Variants in IQANK1 observed in about 807,000 individuals in gnomAD.
IQANK1 encodes the protein IQ motif and ankyrin repeat containing 1.
Under a neutral mutation model 22.6 loss-of-function variants are expected in IQANK1, and 30 were observed. The ratio of observed to expected loss-of-function variants is 1.33; its 90% CI spans 0.99 to 1.80. IQANK1 has a LOEUF of 1.80. IQANK1 is among the 40% of genes most tolerant of loss of function. IQANK1 has a pLI of 0.00. For missense variants in IQANK1, 275 were observed against 235.2 expected (o/e 1.17, Z -1.11); for synonymous variants, 122 against 99.6 (o/e 1.23, Z -1.34).
At chr8:143,776,076 C>T (rs988319811) in intron 7 of IQANK1, among the ~76,000 whole-genome samples, 10 of 151,896 alleles carry the variant, frequency 6.6e-5, no homozygotes, top group African/African-American at 1.9e-4. Context: ...AATCCCAGCA[C>T]TTTGGGAGGC....
chr8:143,748,762 T>TATAAATATATATCATATAA (rs2129819988), intron 3 of IQANK1, among the ~76,000 whole-genome samples: 2 of 104,670 alleles, frequency 1.9e-5, no homozygotes, highest in South Asian at 6.0e-4. Flanking sequence ...CATATAAATA[T>TATAAATATATATCATATAA]ATATAATATA....
At chr8:143,779,747 G>A (rs1819759254) in intron 7 of IQANK1, among the ~76,000 whole-genome samples, 1 of 152,178 alleles carries the variant, frequency 6.6e-6, no homozygotes. Flanking sequence ...TCAGAAATGG[G>A]ACTAATAACA....
intron 7 of IQANK1, among the ~76,000 whole-genome samples, chr8:143,775,112 TAC>T (rs201929554): frequency 3.3e-5 from 5 of 151,744 alleles, no homozygotes; most frequent in African/African-American, 4.8e-5. Context: ...ATTGTAATGA[TAC>T]ACACACACAC....
intron 3 of IQANK1, among the ~76,000 whole-genome samples, chr8:143,751,698 C>T (rs973947606): frequency 2.4e-5 from 2 of 82,456 alleles, no homozygotes; most frequent in Non-Finnish European, 6.2e-5. Flanking sequence ...ACAAAACAGA[C>T]ATAGACTTAG....
intron 7 of IQANK1, among the ~76,000 whole-genome samples, chr8:143,773,324 AAC>A (rs368579818): frequency 7.9e-5 from 11 of 138,962 alleles, no homozygotes; most frequent in African/African-American, 3.1e-4. Flanking sequence ...AAACAAAAAA[AAC>A]ACAAAAAAAA....
At chr8:143,747,668 A>G (rs971387336) in intron 3 of IQANK1, among the ~76,000 whole-genome samples, 1 of 151,890 alleles carries the variant, frequency 6.6e-6, no homozygotes, top group Non-Finnish European at 1.5e-5. Context: ...ATATTGTTTA[A>G]TTCCACCATT....
chr8:143,767,565 C>A (rs1303218257), intron 3 of IQANK1, among the ~76,000 whole-genome samples: 1 of 152,100 alleles, frequency 6.6e-6, no homozygotes, highest in African/African-American at 2.4e-5. Flanking sequence ...GGAACAGAAC[C>A]AGGAAATCAA....
intron 3 of IQANK1, among the ~76,000 whole-genome samples, chr8:143,741,576 T>C (rs1478589793): frequency 6.6e-6 from 1 of 152,180 alleles, no homozygotes; most frequent in Non-Finnish European, 1.5e-5. Flanking sequence ...CAGAACAGAC[T>C]GTGTCCCTTG....
intron 7 of IQANK1, among the ~76,000 whole-genome samples, chr8:143,777,520 T>TAA (rs58155811): frequency 4.2e-4 from 41 of 98,350 alleles, no homozygotes; most frequent in East Asian, 8.0e-4. Context: ...GACTCCGTCT[T>TAA]AAAAAAAAAA....
intron 7 of IQANK1, among the ~76,000 whole-genome samples, chr8:143,782,139 C>T (rs1208023671): frequency 6.6e-6 from 1 of 152,116 alleles, no homozygotes; most frequent in Non-Finnish European, 1.5e-5. Context: ...TATAGGGATG[C>T]TAGTGATTTT....
intron 3 of IQANK1, among the ~76,000 whole-genome samples, chr8:143,770,109 A>C (rs1325939805): frequency 1.3e-5 from 2 of 152,210 alleles, no homozygotes; most frequent in African/African-American, 4.8e-5. Context: ...CTCAAAAAGA[A>C]AAAAGCCTCA....
At chr8:143,754,308 CG>C (rs1819248537) in intron 3 of IQANK1, among the ~76,000 whole-genome samples, 1 of 152,148 alleles carries the variant, frequency 6.6e-6, no homozygotes, top group African/African-American at 2.4e-5. Flanking sequence ...ATCATTCGGC[CG>C]TATCCGTGGG....
intron 2 of IQANK1, 85 bp from the exon 3 acceptor site, chr8:143,739,774 C>T (rs1818849598): frequency 6.6e-6 from 4 of 602,370 alleles, no homozygotes; most frequent in Admixed American, 2.7e-5. Flanking sequence ...ACGCACGGCC[C>T]TTTCGGTGCC....
At chr8:143,750,552 G>A (rs993672977) in intron 3 of IQANK1, among the ~76,000 whole-genome samples, 1 of 152,140 alleles carries the variant, frequency 6.6e-6, no homozygotes, top group Non-Finnish European at 1.5e-5. Context: ...GTGATAAGGA[G>A]AGACTGGGCA....
At chr8:143,742,053 G>C (rs1554626575) in intron 3 of IQANK1, 1 of 295,078 alleles carries the variant, frequency 3.4e-6, no homozygotes, top group African/African-American at 2.2e-5. Flanking sequence ...GCCTGTCTGT[G>C]CCCTCGCTGC....
In IQANK1 at chr8:143,789,256, T is replaced by C. The variant is rs1819963249; in HGVS notation, c.993+13T>C. The C allele has an allele frequency of 5.0e-6, 2 of 399,048 alleles. No homozygotes were observed. The highest frequency in any genetic ancestry group is 8.8e-6 in the Non-Finnish European group (2 of 227,230). The allele number at this position is 399,048 out of a possible 1,614,324, so 24.7% of individuals were successfully genotyped here. A position where few individuals can be genotyped will look rare whatever the true frequency, so the allele number is the denominator to read the frequency against. On this transcript the variant is annotated intron_variant, in intron 9 of 13. Coordinates refer to ENST00000527139, the MANE Select transcript of IQANK1 (RefSeq NM_001381874.1). Reference sequence around the variant, plus strand: ...GTGTCACAAGGAGGTGAGTGTGACCTCAGGGAGGAGCCAGGAAAGGAGGAG... The same window carrying C: ...GTGTCACAAGGAGGTGAGTGTGACCCCAGGGAGGAGCCAGGAAAGGAGGAG...
intron 3 of IQANK1, among the ~76,000 whole-genome samples, chr8:143,765,230 G>A (rs782813922): frequency 3.9e-5 from 6 of 151,926 alleles, no homozygotes; most frequent in Non-Finnish European, 7.4e-5. Context: ...GGTGGCGCAC[G>A]CCTGTAATCC....
At chr8:143,765,280 C>T (rs1819464580) in intron 3 of IQANK1, among the ~76,000 whole-genome samples, 1 of 151,916 alleles carries the variant, frequency 6.6e-6, no homozygotes, top group African/African-American at 2.4e-5. Flanking sequence ...TCACTTGAAC[C>T]CTGGAGGCCG....
At chr8:143,782,589 T>C (rs1554631043) in intron 7 of IQANK1, among the ~76,000 whole-genome samples, 1 of 152,214 alleles carries the variant, frequency 6.6e-6, no homozygotes, top group Non-Finnish European at 1.5e-5. Flanking sequence ...CAAGCAGTTC[T>C]CCTGCCTCGG....
Sources: allele counts gnomAD v4.1 joint callset (sites outside exome capture counted in the v4.1 genomes callset), GRCh38; gene constraint gnomAD v4.1.1; transcripts MANE v1.5; gene names NCBI Gene and HGNC (gene_info 2026-07-23, HGNC 2026-07-21).